SLC6A20: variants seen among roughly 807,000 people sequenced by gnomAD.
SLC6A20 encodes the protein solute carrier family 6 member 20.
SLC6A20 carries 73 observed loss-of-function variants against 64.3 expected under a neutral mutation model. The ratio of observed to expected loss-of-function variants is 1.14; its 90% CI spans 0.94 to 1.38. SLC6A20 has a LOEUF of 1.38. Ranked by LOEUF, SLC6A20 falls within the 40% of genes most tolerant of loss-of-function variation. The pLI is 0.00. For synonymous variants in SLC6A20, 347 were observed against 329.6 expected (o/e 1.05, Z -0.57); for missense variants, 725 against 772.8 (o/e 0.94, Z 0.73).
intron 1 of SLC6A20, among the ~76,000 whole-genome samples, chr3:45,795,286 C>T (rs1230799576): frequency 1.3e-5 from 2 of 152,110 alleles, no homozygotes; most frequent in African/African-American, 2.4e-5. Context: ...AGCTTTGAAT[C>T]TGATTTCTCC....
At position 45,762,978 on chromosome 3, in the gene SLC6A20, T is replaced by C. The variant is rs532126121; in HGVS notation, c.1398A>G (p.Thr466=). 5.6e-6 allele frequency: 9 copies of C among 1,614,122 alleles called. No homozygotes were observed. The highest frequency in any genetic ancestry group is 4.5e-5 in the East Asian group (2 of 44,874). ...WFDIFNDYAA[T]LSLLLIVLVE... is the part of the protein sequence containing the mutation. Reference sequence around the variant, plus strand: ...CCAGCACGATGAGCAGCAGGGACAGTGTGGCCGCGTAGTCGTTGAATATGT... The same window carrying C: ...CCAGCACGATGAGCAGCAGGGACAGCGTGGCCGCGTAGTCGTTGAATATGT... Residue 466 remains threonine, a synonymous_variant, in exon 9 of 11, where the codon ACA becomes ACG. Coordinates refer to ENST00000358525, the MANE Select transcript of SLC6A20 (RefSeq NM_020208.4).
Position 45,780,147 on chromosome 3 carries a change from C to T in SLC6A20, c.263-47G>A, listed in dbSNP as rs1027442553. 3.9e-6 allele frequency: 6 copies of T among 1,533,224 alleles called. No individual in the cohort carries two copies. In the African/African-American group the frequency reaches 8.3e-5, roughly 21 times the overall value. The allele number at this position is 1,533,224 out of a possible 1,614,324, so 95.0% of individuals were successfully genotyped here. A position where few individuals can be genotyped will look rare whatever the true frequency, so the allele number is the denominator to read the frequency against. ...CGCTGAGGACTGAGGATGGCCCTTC[C>T]CCCTCCGCCAGGCCCAGCGTGTGCT... On this transcript the variant is annotated intron_variant, in intron 2 of 10. Coordinates refer to ENST00000358525, the MANE Select transcript of SLC6A20 (RefSeq NM_020208.4).
At chr3:45,772,416 A>T in intron 5 of SLC6A20, 89 bp downstream of exon 5, 1 of 1,238,738 alleles carries the variant, frequency 8.1e-7, no homozygotes. Context: ...GCGTTGGCCC[A>T]CTCTCCACCT....
chr3:45,794,688 T>C (rs1210897290), intron 1 of SLC6A20, among the ~76,000 whole-genome samples: 2 of 152,166 alleles, frequency 1.3e-5, no homozygotes. Context: ...AGGAATTAAG[T>C]AGTCATGTGA....
rs760992119 is a variant in SLC6A20, at chr3:45,759,062, G to A, written c.1695C>T (p.Ser565=). The stretch of plus-strand genomic sequence containing the variant: ...CCGCCAGGGGGATGCACATGGTGGA[G>A]GAGGCCACAAGCAGCCCGATGACAG... The part of the protein sequence containing the change: ...ALAVIGLLVA[S]STMCIPLAAL... The change falls in exon 11 of 11, where the codon TCC becomes TCT. Residue 565 remains serine (S), a synonymous_variant. Transcript: ENST00000358525. 1.2e-6 allele frequency: 2 copies of A among 1,613,096 alleles called. No homozygotes were observed. Among genetic ancestry groups the A allele is most frequent in the South Asian group, 1.1e-5 (1 of 90,714 alleles).
At position 45,774,443 on chromosome 3, in the gene SLC6A20, G is replaced by A. The variant is rs73830460; in HGVS notation, c.582+1318C>T. ...GCATGACAGTATGGCCAGGCTCTACGATGGGACTGAGTGGGCTGCTGCAGG... is the reference window on the plus strand; with the variant it reads ...GCATGACAGTATGGCCAGGCTCTACAATGGGACTGAGTGGGCTGCTGCAGG... On this transcript the variant is annotated intron_variant, in intron 4 of 10. Transcript: ENST00000358525. Among the ~76,000 whole-genome samples, 25 of 152,268 alleles carry A rather than the reference G, an allele frequency of 1.6e-4. No homozygotes were observed. In the East Asian group the frequency reaches 3.3e-3, roughly 20 times the overall value.
intron 3 of SLC6A20, among the ~76,000 whole-genome samples, chr3:45,779,582 C>T (rs749636796): frequency 3.9e-5 from 6 of 152,118 alleles, no homozygotes; most frequent in South Asian, 2.1e-4. Flanking sequence ...CTGAGGAAAG[C>T]GGGAGAAGGG....
chr3:45,771,232 T>G lies in SLC6A20; in HGVS notation c.920A>C (p.Glu307Ala). Residue 307 changes from glutamate (E) to alanine (A), a missense_variant, in exon 6 of 11, where the codon GAA becomes GCA. Coordinates refer to ENST00000358525, the MANE Select transcript of SLC6A20 (RefSeq NM_020208.4). ...CCAGGCTTACTTCTTCAAGCAGTTT[T>G]CATAATTGAAGGTGGCCTTGAAGCC... ...IYGFKATFNY[E>A]NCLKKVSLLL... is the part of the protein sequence containing the mutation. The G allele has an allele frequency of 1.2e-6, 2 of 1,614,226 alleles. No homozygotes were observed. The highest frequency in any genetic ancestry group is 1.7e-6 in the Non-Finnish European group (2 of 1,180,048).
intron 1 of SLC6A20, among the ~76,000 whole-genome samples, chr3:45,788,296 C>A (rs1385519910): frequency 1.3e-5 from 2 of 151,846 alleles, no homozygotes; most frequent in Non-Finnish European, 2.9e-5. Context: ...AGAAAGCTAT[C>A]CCACAGCTCA....
In SLC6A20 at chr3:45,796,283, C is replaced by A. The variant is rs767484223; in HGVS notation, c.121+16G>T. 2 of 1,590,358 alleles carry A rather than the reference C, an allele frequency of 1.3e-6. No homozygotes were observed. Among genetic ancestry groups the A allele is most frequent in the South Asian group, 1.1e-5 (1 of 88,332 alleles). The stretch of plus-strand genomic sequence containing the variant: ...GCACAGAGTTGGGCTGGGGCCGGGG[C>A]GCGGTGGGCACTCACCTCCGCCGTA... On this transcript the variant is annotated intron_variant, in intron 1 of 10. Transcript: ENST00000358525.
intron 8 of SLC6A20, among the ~76,000 whole-genome samples, chr3:45,763,985 G>A (rs1699728837): frequency 6.6e-6 from 1 of 152,168 alleles, no homozygotes; most frequent in African/African-American, 2.4e-5. Context: ...GGGTCTAAGT[G>A]CTGCAGCACT....
At chr3:45,764,639 T>G (rs1042945010) in intron 8 of SLC6A20, among the ~76,000 whole-genome samples, 9 of 149,826 alleles carry the variant, frequency 6.0e-5, no homozygotes, top group African/African-American at 2.0e-4. Context: ...GAGGTGGAGG[T>G]TGCAGTGAGC....
rs145811446 is a variant in SLC6A20 at position 45,762,964 on chromosome 3, A to G, written c.1412T>C (p.Leu471Pro). ...NDYAATLSLL[L>P]IVLVETIAVC... Reference sequence around the variant, plus strand: ...GGCAATCGTCTCCACCAGCACGATGAGCAGCAGGGACAGTGTGGCCGCGTA... The same window carrying G: ...GGCAATCGTCTCCACCAGCACGATGGGCAGCAGGGACAGTGTGGCCGCGTA... The change falls in exon 9 of 11, where the codon CTC becomes CCC. Residue 471 changes from leucine to proline, a missense_variant. Transcript: ENST00000358525. 16 of 1,614,018 alleles carry G rather than the reference A, an allele frequency of 9.9e-6. No individual in the cohort carries two copies. The African/African-American group carries it at 2.0e-4, about 20-fold the overall frequency.
intron 1 of SLC6A20, among the ~76,000 whole-genome samples, chr3:45,789,125 T>A (rs1455672405): frequency 1.3e-5 from 2 of 152,166 alleles, no homozygotes; most frequent in Non-Finnish European, 2.9e-5. Context: ...TGTGCTAAAA[T>A]TTTTTTCTTT....
chr3:45,765,819 T>C lies in SLC6A20; in HGVS notation c.1099-78A>G. On this transcript the variant is annotated intron_variant, in intron 7 of 10. Coordinates refer to ENST00000358525, the MANE Select transcript of SLC6A20 (RefSeq NM_020208.4). This position sits in a 1 kb window ranked among gnomAD's most constrained non-coding sequence, Gnocchi z 4.2. ...TTCACGCACTCAGTACTAAGCAACA[T>C]GGGGGACCTTGGAAGTGGCCATGAG... 5 of 1,497,416 alleles carry C rather than the reference T, an allele frequency of 3.3e-6. No homozygotes were observed. Among genetic ancestry groups the C allele is most frequent in the Admixed American group, 1.7e-5 (1 of 57,878 alleles). The allele number at this position is 1,497,416 out of a possible 1,614,324, so 92.8% of individuals were successfully genotyped here.
rs1346282258 is a variant in SLC6A20, at chr3:45,758,378, C to T, written c.*600G>A. On this transcript the variant is annotated 3_prime_UTR_variant, in exon 11 of 11. Transcript: ENST00000358525. ...GTAGAGAGGTCTGGTCCTGGACCCA[C>T]CGTCAGAGACCTTAGAGAAAGGATC... The T allele has an allele frequency of 5.6e-6, 7 of 1,256,414 alleles. No homozygotes were observed. Among genetic ancestry groups the T allele is most frequent in the Non-Finnish European group, 3.1e-6 (3 of 965,700 alleles). 77.8% of individuals were successfully genotyped at this position (1,256,414 alleles called of 1,614,324 possible). A position where few individuals can be genotyped will look rare whatever the true frequency, so the allele number is the denominator to read the frequency against.
Position 45,780,191 on chromosome 3 carries a change from C to T in SLC6A20, c.263-91G>A, listed in dbSNP as rs146111652. 9.5e-5 allele frequency: 124 copies of T among 1,301,002 alleles called. 1 individual carries two copies. The highest frequency in any genetic ancestry group is 5.9e-4 in the South Asian group (45 of 75,822). 80.6% of individuals were successfully genotyped at this position (1,301,002 alleles called of 1,614,324 possible). A position where few individuals can be genotyped will look rare whatever the true frequency, so the allele number is the denominator to read the frequency against. Reference sequence around the variant, plus strand: ...GTGTGCTCCCAGGACACACCTGTGGCGACCGCCCCGGGGTGGGCGAGGCCT... The same window carrying T: ...GTGTGCTCCCAGGACACACCTGTGGTGACCGCCCCGGGGTGGGCGAGGCCT... On this transcript the variant is annotated intron_variant, in intron 2 of 10. Coordinates refer to ENST00000358525, the MANE Select transcript of SLC6A20 (RefSeq NM_020208.4).
intron 3 of SLC6A20, among the ~76,000 whole-genome samples, chr3:45,778,295 G>C (rs1700007695): frequency 6.6e-6 from 1 of 152,164 alleles, no homozygotes; most frequent in Admixed American, 6.5e-5. Flanking sequence ...CAGCCTCGTG[G>C]GGTGGCTGTT....
intron 1 of SLC6A20, among the ~76,000 whole-genome samples, chr3:45,782,608 C>T (rs920716211): frequency 1.1e-4 from 17 of 149,440 alleles, no homozygotes; most frequent in Non-Finnish European, 1.6e-4. Flanking sequence ...TTCATCCATC[C>T]GTATTTCCAT....
Sources: gnomAD v4.1 joint callset for allele counts (sites outside exome capture counted in the v4.1 genomes callset) on GRCh38, gnomAD v4.1.1 for gene constraint, Gnocchi (gnomAD v3.1) non-coding constraint, MANE v1.5 for transcripts, NCBI Gene and HGNC (gene_info 2026-07-23, HGNC 2026-07-21) for gene names.